Variants in CADPS observed in about 807,000 individuals in gnomAD.
The protein encoded by CADPS is calcium dependent secretion activator, also known as calcium-dependent secretion activator 1.
CADPS carries 57 observed loss-of-function variants against 167.3 expected under a neutral mutation model. That is an observed-to-expected ratio of 0.34 (90% CI 0.28 to 0.42). CADPS has a LOEUF of 0.42. CADPS is among the 20% of genes least tolerant of loss of function. The probability of loss-of-function intolerance (pLI) is 1.00; values close to 1 mark genes in which losing one functional copy is unlikely to be tolerated. For missense variants in CADPS, 1,414 were observed against 1,738.1 expected (o/e 0.81, Z 3.32); for synonymous variants, 676 against 635.3 (o/e 1.06, Z -0.96).
At chr3:62,608,184 C>T (rs959911277) in intron 6 of CADPS, among the ~76,000 whole-genome samples, 1 of 152,052 alleles carries the variant, frequency 6.6e-6, no homozygotes, top group Non-Finnish European at 1.5e-5. Flanking sequence ...GGCCTAGTCA[C>T]TCTTACTGTG....
Position 62,401,970 on chromosome 3 carries a change from ACTTG to A in CADPS, c.3882+1107_3882+1110del, listed in dbSNP as rs371065545. 3.9e-3 allele frequency among the ~76,000 whole-genome samples: 593 copies of A among 152,292 alleles called. 1 individual carries two copies. The highest frequency in any genetic ancestry group is 0.014 in the African/African-American group (562 of 41,576). ...ATGGAATTCAAGTGGTCAGGCGACC[ACTTG>A]ACGATTGAGCTGGTCCTAAGGAACT... On this transcript the variant is annotated intron_variant, in intron 29 of 29. Transcript: ENST00000383710.
intron 1 of CADPS, among the ~76,000 whole-genome samples, chr3:62,837,842 G>T (rs1406292318): frequency 1.3e-5 from 2 of 152,224 alleles, no homozygotes; most frequent in Middle Eastern, 3.4e-3. Context: ...AAGGAAAATT[G>T]TAACTATAAG....
intron 7 of CADPS, among the ~76,000 whole-genome samples, chr3:62,586,731 C>G (rs563948107): frequency 6.6e-5 from 10 of 152,270 alleles, no homozygotes; most frequent in African/African-American, 2.4e-4. Flanking sequence ...TTTGATCATG[C>G]CCTACTTTAG....
At chr3:62,840,662 C>A (rs1405610717) in intron 1 of CADPS, among the ~76,000 whole-genome samples, 1 of 151,986 alleles carries the variant, frequency 6.6e-6, no homozygotes, top group African/African-American at 2.4e-5. Context: ...TAGTCAAAAG[C>A]CTGAGTCCCT....
At chr3:62,466,517 G>GGACCCC (rs1276027844) in intron 24 of CADPS, 104 bp from the exon 25 acceptor site, 1 of 747,788 alleles carries the variant, frequency 1.3e-6, no homozygotes, top group African/African-American at 1.7e-5. Flanking sequence ...CCTGGCCTGC[G>GGACCCC]GACCCCGTTT....
At chr3:62,540,959 C>T (rs989107338) in intron 11 of CADPS, among the ~76,000 whole-genome samples, 1 of 152,124 alleles carries the variant, frequency 6.6e-6, no homozygotes, top group African/African-American at 2.4e-5. Context: ...TTCCTGAATT[C>T]AGGACATTCT....
intron 1 of CADPS, among the ~76,000 whole-genome samples, chr3:62,769,498 C>T (rs1363619105): frequency 6.6e-6 from 1 of 152,140 alleles, no homozygotes; most frequent in African/African-American, 2.4e-5. Flanking sequence ...TCCCAAAGTG[C>T]TGGAATTACA....
At chr3:62,843,319 G>C (rs1017903360) in intron 1 of CADPS, among the ~76,000 whole-genome samples, 2 of 152,142 alleles carry the variant, frequency 1.3e-5, no homozygotes, top group Non-Finnish European at 2.9e-5. Flanking sequence ...AAAGCCACAA[G>C]TATTTCTGCA....
intron 3 of CADPS, among the ~76,000 whole-genome samples, chr3:62,744,923 C>T (rs1195839664): frequency 6.6e-6 from 1 of 152,118 alleles, no homozygotes; most frequent in Non-Finnish European, 1.5e-5. Flanking sequence ...AAATATCTGG[C>T]CATGTGTTCT....
chr3:62,731,525 G>A (rs775774440), intron 3 of CADPS, among the ~76,000 whole-genome samples: 1 of 152,030 alleles, frequency 6.6e-6, no homozygotes, highest in Non-Finnish European at 1.5e-5. Flanking sequence ...AGTTTGCTTT[G>A]TTGGCATGTA....
At chr3:62,553,331 T>C (rs2077606117) in intron 10 of CADPS, among the ~76,000 whole-genome samples, 1 of 152,236 alleles carries the variant, frequency 6.6e-6, no homozygotes, top group African/African-American at 2.4e-5. Context: ...GAAGTTTTTA[T>C]ATTTTTAATC....
At chr3:62,567,805 AC>A (rs1223654351) in intron 9 of CADPS, among the ~76,000 whole-genome samples, 2 of 151,342 alleles carry the variant, frequency 1.3e-5, no homozygotes, top group African/African-American at 4.9e-5. Context: ...AAACTCCTGA[AC>A]CCATGTGATC....
chr3:62,698,677 C>T (rs2080814929), intron 3 of CADPS, among the ~76,000 whole-genome samples: 1 of 149,946 alleles, frequency 6.7e-6, no homozygotes, highest in African/African-American at 2.5e-5. Flanking sequence ...CCTCCTCCTC[C>T]TTCTCCTTCA....
chr3:62,803,047 A>G (rs1312219893), intron 1 of CADPS, among the ~76,000 whole-genome samples: 1 of 152,146 alleles, frequency 6.6e-6, no homozygotes, highest in African/African-American at 2.4e-5. Flanking sequence ...GGCACAGAAC[A>G]CTGGCCTCTT....
intron 1 of CADPS, among the ~76,000 whole-genome samples, chr3:62,833,616 G>T (rs73102787): frequency 0.18 from 27,571 of 152,018 alleles, 2,725 homozygotes; most frequent in Middle Eastern, 0.34. Flanking sequence ...GTATAATATA[G>T]AATGGGATCT....
At chr3:62,729,855 T>A (rs1373857270) in intron 3 of CADPS, among the ~76,000 whole-genome samples, 1 of 151,744 alleles carries the variant, frequency 6.6e-6, no homozygotes, top group East Asian at 1.9e-4. Context: ...TATTTCTGGT[T>A]CTCGTCTCTG....
At chr3:62,691,987 T>C (rs1563915351) in intron 3 of CADPS, among the ~76,000 whole-genome samples, 1 of 150,896 alleles carries the variant, frequency 6.6e-6, no homozygotes, top group African/African-American at 2.4e-5. Flanking sequence ...GGTCTTATCT[T>C]ATGAAATAAA....
intron 6 of CADPS, among the ~76,000 whole-genome samples, chr3:62,614,209 A>G (rs919265563): frequency 6.6e-6 from 1 of 152,158 alleles, no homozygotes; most frequent in African/African-American, 2.4e-5. Context: ...CAGTGATGCT[A>G]TGGGGTGGTG....
chr3:62,724,203 G>T (rs1337614731), intron 3 of CADPS, among the ~76,000 whole-genome samples: 1 of 152,162 alleles, frequency 6.6e-6, no homozygotes, highest in Non-Finnish European at 1.5e-5. Flanking sequence ...CATTCACCAT[G>T]GGCTCTTTGG....
Sources: allele counts gnomAD v4.1 joint callset (sites outside exome capture counted in the v4.1 genomes callset), GRCh38; gene constraint gnomAD v4.1.1; transcripts MANE v1.5; gene names NCBI Gene and HGNC (gene_info 2026-07-23, HGNC 2026-07-21).